The following GRAMD4 variants were observed in gnomAD, a reference collection of about 807,000 sequenced individuals.
GRAMD4 encodes the protein GRAM domain containing 4.
In GRAMD4, 25 loss-of-function variants were observed where a neutral mutation model predicts 83.9. That is an observed-to-expected ratio of 0.30 (90% CI 0.22 to 0.42). The LOEUF (loss-of-function observed/expected upper bound fraction) is 0.42, where lower values mean the gene tolerates loss of function less well. GRAMD4 is among the 10% of genes least tolerant of loss of function. GRAMD4 has a pLI of 1.00. For missense variants in GRAMD4, 593 were observed against 788.7 expected, an observed-to-expected ratio of 0.75 and a Z score of 2.97; for synonymous variants, 336 against 320.9, an observed-to-expected ratio of 1.05 and a Z score of -0.50.
intron 2 of GRAMD4, among the ~76,000 whole-genome samples, chr22:46,636,504 C>T (rs1211092751): frequency 6.6e-6 from 1 of 152,244 alleles, no homozygotes; most frequent in Non-Finnish European, 1.5e-5. Flanking sequence ...CCGAAGCCAG[C>T]GCCTTATTCC....
intron 1 of GRAMD4, among the ~76,000 whole-genome samples, chr22:46,593,452 G>C (rs1003475539): frequency 1.3e-5 from 2 of 152,168 alleles, no homozygotes; most frequent in Non-Finnish European, 2.9e-5. Context: ...GCACAGGGAG[G>C]GCAGGTGGGA....
In GRAMD4 at chr22:46,679,600, T is replaced by C; in HGVS notation, c.*2349T>C. ...ATTTTTTATGTCTGAAGCCTGAGTC[T>C]ATTTTGGATCTGTAAATAATCATTG... On this transcript the variant is annotated 3_prime_UTR_variant, in exon 19 of 19. Transcript: ENST00000406902. 1.0e-6 allele frequency: 1 copy of C among 983,214 alleles called. No individual in the cohort carries two copies. 60.9% of individuals were successfully genotyped at this position (983,214 alleles called of 1,614,324 possible). A position where few individuals can be genotyped will look rare whatever the true frequency, so the allele number is the denominator to read the frequency against.
At chr22:46,585,247 A>G (rs924397049) in intron 1 of GRAMD4, among the ~76,000 whole-genome samples, 22 of 149,596 alleles carry the variant, frequency 1.5e-4, no homozygotes, top group African/African-American at 4.7e-4. Flanking sequence ...CTGGAGTGCA[A>G]TGGCGTGATC....
chr22:46,618,272 C>G (rs986453574), upstream of GRAMD4, among the ~76,000 whole-genome samples: 1 of 152,088 alleles, frequency 6.6e-6, no homozygotes, highest in East Asian at 1.9e-4. The surrounding 1 kb of genome is among the most constrained non-coding windows in gnomAD (Gnocchi z 5.8). Flanking sequence ...AGCCCCTGCC[C>G]CGGGGGAGCA....
rs116992390 is a variant in GRAMD4 at position 46,600,338 on chromosome 22, C to T, written c.-50+23048C>T. 2.0e-3 allele frequency among the ~76,000 whole-genome samples: 299 copies of T among 152,326 alleles called. 1 individual carries two copies. The highest frequency in any genetic ancestry group is 4.0e-3 in the Non-Finnish European group (270 of 68,032). ...CTTAAGCAGAGGGGGGCTTTGCCAG[C>T]TTGGGGCCAGGGGCCTGCGGTATGG... On this transcript the variant is annotated intron_variant, in intron 1 of 1. Coordinates refer to the GRAMD4 transcript ENST00000431155.
intron 1 of GRAMD4, among the ~76,000 whole-genome samples, chr22:46,578,131 C>T (rs1300570175): frequency 6.6e-6 from 1 of 152,190 alleles, no homozygotes; most frequent in Non-Finnish European, 1.5e-5. Context: ...CCCTGCATCT[C>T]CTGAGGTAGG....
rs1233594395 is a variant in GRAMD4 at position 46,659,948 on chromosome 22, G to A, written c.405-1433G>A. ...ACCTGCCACGCTGGGAGATCCCAGGGACAGGTGCGGTCCCCAGGCATTTGG... is the reference window on the plus strand; with the variant it reads ...ACCTGCCACGCTGGGAGATCCCAGGAACAGGTGCGGTCCCCAGGCATTTGG... On this transcript the variant is annotated intron_variant, in intron 4 of 18. Transcript: ENST00000406902. The surrounding 1 kb of genome is among the most constrained non-coding windows in gnomAD (Gnocchi z 4.1). Among the ~76,000 whole-genome samples the A allele has an allele frequency of 1.3e-5, 2 of 152,202 alleles. No individual in the cohort carries two copies. Among genetic ancestry groups the A allele is most frequent in the African/African-American group, 4.8e-5 (2 of 41,456 alleles).
chr22:46,635,923 G>T (rs1310962501), intron 2 of GRAMD4, among the ~76,000 whole-genome samples: 1 of 152,164 alleles, frequency 6.6e-6, no homozygotes, highest in Non-Finnish European at 1.5e-5. Flanking sequence ...CAGTGCAGGG[G>T]TCCAGCTGCA....
intron 4 of GRAMD4, among the ~76,000 whole-genome samples, chr22:46,660,046 GC>G (rs2082305061): frequency 6.6e-6 from 1 of 152,160 alleles, no homozygotes; most frequent in Admixed American, 6.5e-5. Flanking sequence ...TGTCCCCGTG[GC>G]CCTGCTCCCT....
chr22:46,616,428 G>A (rs2081495646), upstream of GRAMD4, among the ~76,000 whole-genome samples: 1 of 120,800 alleles, frequency 8.3e-6, no homozygotes, highest in Non-Finnish European at 1.7e-5. Flanking sequence ...GTTCCCCCGT[G>A]AGTAGGTTCC....
At position 46,675,153 on chromosome 22, in the gene GRAMD4, GCAGAGCAGTGGCCGTGAGTGTCTCACT is replaced by G. The variant is rs879495584; in HGVS notation, c.1479-289_1479-263del. ...AGAGCAGTGGCTGTGAATGTCTTAT[GCAGAGCAGTGGCCGTGAGTGTCTCACT>G]CAGAGCAGTGGCCGTGAGTGTCTCA... On this transcript the variant is annotated intron_variant, in intron 16 of 18. Transcript: ENST00000406902. Among the ~76,000 whole-genome samples, 469 of 152,026 alleles carry G rather than the reference GCAGAGCAGTGGCCGTGAGTGTCTCACT, an allele frequency of 3.1e-3. 2 individuals are homozygous for G. The highest frequency in any genetic ancestry group is 3.4e-3 in the Non-Finnish European group (233 of 67,908).
chr22:46,623,168 G>C (rs1163399229), intron 1 of GRAMD4, among the ~76,000 whole-genome samples: 2 of 152,046 alleles, frequency 1.3e-5, no homozygotes, highest in African/African-American at 4.8e-5. Flanking sequence ...CCCTTTACAA[G>C]GACGGGGTCC....
At chr22:46,625,226 C>T (rs1569268860) in intron 1 of GRAMD4, among the ~76,000 whole-genome samples, 2 of 152,236 alleles carry the variant, frequency 1.3e-5, no homozygotes, top group Non-Finnish European at 2.9e-5. Context: ...AGAGCCTCCC[C>T]TCCCCTCACC....
At chr22:46,618,940 A>T (rs2081538067), upstream of GRAMD4, among the ~76,000 whole-genome samples, 1 of 152,172 alleles carries the variant, frequency 6.6e-6, no homozygotes, top group African/African-American at 2.4e-5. This position sits in a 1 kb window ranked among gnomAD's most constrained non-coding sequence, Gnocchi z 5.8. Context: ...CATAGTTGAG[A>T]TACTGGTGAG....
rs183891330 is a variant in GRAMD4, at chr22:46,607,558, G to A, written c.-49-19193G>A. On this transcript the variant is annotated intron_variant, in intron 1 of 1. Coordinates refer to the GRAMD4 transcript ENST00000431155. ...TTAACGTGGGGGTGCCAGGGGATTC[G>A]CCCGATGCTCCCTGCCTTTGCTCCT... is the stretch of plus-strand genomic sequence containing the variant. Among the ~76,000 whole-genome samples, 146 of 152,142 alleles carry A rather than the reference G, an allele frequency of 9.6e-4. 2 individuals carry two copies. The highest frequency in any genetic ancestry group is 2.7e-3 in the Admixed American group (41 of 15,294).
In GRAMD4 at chr22:46,679,179, C is replaced by T. The variant is rs1254330449; in HGVS notation, c.*1928C>T. ...GCCCGGCAGTGCCCAAGGATGGGTC[C>T]GGGGCCTCGGGGCCAATGAGCGCCT... is the stretch of plus-strand genomic sequence containing the variant. On this transcript the variant is annotated 3_prime_UTR_variant, in exon 19 of 19. Transcript: ENST00000406902. 5 of 984,376 alleles carry T rather than the reference C, an allele frequency of 5.1e-6. No individual in the cohort carries two copies. The African/African-American group carries it at 5.2e-5, about 10-fold the overall frequency. 61.0% of individuals were successfully genotyped at this position (984,376 alleles called of 1,614,324 possible).
Position 46,621,489 on chromosome 22 carries a change from G to A in GRAMD4, c.-50+924G>A, listed in dbSNP as rs904489283. Reference sequence around the variant, plus strand: ...CAGGCGCAGGCTGGAGGCGTAGCCCGGGCCCATCCCTGGCGGTGTGTCGCG... The same window carrying A: ...CAGGCGCAGGCTGGAGGCGTAGCCCAGGCCCATCCCTGGCGGTGTGTCGCG... On this transcript the variant is annotated intron_variant, in intron 1 of 18. Coordinates refer to ENST00000406902, the MANE Select transcript of GRAMD4 (RefSeq NM_015124.5). This position sits in a 1 kb window ranked among gnomAD's most constrained non-coding sequence, Gnocchi z 5.8. Among the ~76,000 whole-genome samples, 16 of 151,730 alleles carry A rather than the reference G, an allele frequency of 1.1e-4. No individual in the cohort carries two copies. Among genetic ancestry groups the A allele is most frequent in the Non-Finnish European group, 1.9e-4 (13 of 67,846 alleles).
intron 3 of GRAMD4, among the ~76,000 whole-genome samples, chr22:46,656,680 A>G (rs1274659414): frequency 1.3e-5 from 2 of 152,202 alleles, no homozygotes; most frequent in South Asian, 2.1e-4. Context: ...CAGACCCCCA[A>G]GGGTTCCTGC....
At chr22:46,578,390 C>T (rs1030508211) in intron 1 of GRAMD4, among the ~76,000 whole-genome samples, 3 of 152,256 alleles carry the variant, frequency 2.0e-5, no homozygotes, top group African/African-American at 7.2e-5. Flanking sequence ...CACCCTCCTG[C>T]TCTGTGACCT....
Sources: allele counts gnomAD v4.1 joint callset (sites outside exome capture counted in the v4.1 genomes callset), GRCh38; gene constraint gnomAD v4.1.1; non-coding constraint Gnocchi (gnomAD v3.1); transcripts MANE v1.5; gene names NCBI Gene and HGNC (gene_info 2026-07-23, HGNC 2026-07-21).